The following SGIP1 variants were observed in gnomAD, a reference collection of about 807,000 sequenced individuals.
SGIP1 encodes SH3GL interacting endocytic adaptor 1.
In SGIP1, 38 loss-of-function variants were observed where a neutral mutation model predicts 107.5. That is an observed-to-expected ratio of 0.35 (90% confidence interval 0.27 to 0.46). The LOEUF is 0.46. Ranked by LOEUF, SGIP1 falls within the 20% of genes least tolerant of loss-of-function variation. SGIP1 has a pLI of 1.00. For synonymous variants in SGIP1, 365 were observed against 366.1 expected (o/e 1.00, Z 0.03); for missense variants, 929 against 1,019.5 (o/e 0.91, Z 1.21).
At chr1:66,739,235 C>A in intron 21 of SGIP1, 100 bp from the exon 22 acceptor site, 1 of 1,319,296 alleles carries the variant, frequency 7.6e-7, no homozygotes, top group Non-Finnish European at 1.0e-6. Flanking sequence ...CTCTCACTCA[C>A]GGTTGCTTGT....
chr1:66,750,005 C>CTTTA lies in SGIP1; in HGVS notation c.*6911_*6912insTTAT, dbSNP rs796767895. 7.2e-4 allele frequency among the ~76,000 whole-genome samples: 95 copies of CTTTA among 132,678 alleles called. No individual in the cohort carries two copies. Among genetic ancestry groups the CTTTA allele is most frequent in the African/African-American group, 2.5e-3 (88 of 35,116 alleles). 87.0% of individuals were successfully genotyped at this position (132,678 alleles called of 152,430 possible). A position where few individuals can be genotyped will look rare whatever the true frequency, so the allele number is the denominator to read the frequency against. On this transcript the variant is annotated 3_prime_UTR_variant, in exon 25 of 25. Transcript: ENST00000371037. ...CCTATCTAATTCATATTCTCTCTCTCTCTCTCTCTCTTTCTCTGTGTGTGT... is the reference window on the plus strand; with the variant it reads ...CCTATCTAATTCATATTCTCTCTCTCTTTATCTCTCTCTCTTTCTCTGTGTGTGT...
intron 1 of SGIP1, among the ~76,000 whole-genome samples, chr1:66,564,794 C>T (rs142334604): frequency 6.6e-6 from 1 of 151,994 alleles, no homozygotes; most frequent in African/African-American, 2.4e-5. Flanking sequence ...GTAGTTACTT[C>T]AGTCCCCTCC....
At chr1:66,582,593 T>G (rs1475630289) in intron 1 of SGIP1, among the ~76,000 whole-genome samples, 1 of 151,864 alleles carries the variant, frequency 6.6e-6, no homozygotes, top group Non-Finnish European at 1.5e-5. Context: ...CAGTTTCCAG[T>G]CAAAGATGTA....
chr1:66,572,273 A>C (rs2060484558), intron 1 of SGIP1, among the ~76,000 whole-genome samples: 1 of 152,056 alleles, frequency 6.6e-6, no homozygotes, highest in Non-Finnish European at 1.5e-5. Flanking sequence ...TCACAGTTCT[A>C]AACTCCCAGG....
chr1:66,749,550 G>A lies in SGIP1; in HGVS notation c.*6455G>A, dbSNP rs2094597678. ...TCTTTAAAAACTTCCTGGTTAAATT[G>A]TCTGTTATCATATAGAAAAGAATCA... On this transcript the variant is annotated 3_prime_UTR_variant, in exon 25 of 25. Transcript: ENST00000371037. Among the ~76,000 whole-genome samples, 1 of 149,798 alleles carries A rather than the reference G, an allele frequency of 6.7e-6. No homozygotes were observed. The highest frequency in any genetic ancestry group is 6.7e-5 in the Admixed American group (1 of 14,988).
chr1:66,672,557 C>T (rs977514991), intron 11 of SGIP1, among the ~76,000 whole-genome samples: 2 of 152,166 alleles, frequency 1.3e-5, no homozygotes, highest in African/African-American at 4.8e-5. Context: ...TCTCCCCTCT[C>T]CTCTTCACCC....
chr1:66,662,361 A>G (rs1329724434), intron 8 of SGIP1, among the ~76,000 whole-genome samples: 4 of 152,194 alleles, frequency 2.6e-5, no homozygotes, highest in Non-Finnish European at 5.9e-5. Context: ...ATGTCACAAA[A>G]CTTCAAAATC....
intron 1 of SGIP1, among the ~76,000 whole-genome samples, chr1:66,584,743 G>A (rs1466834511): frequency 6.6e-6 from 1 of 152,116 alleles, no homozygotes; most frequent in African/African-American, 2.4e-5. Context: ...GATAGTGGTA[G>A]GTATATGAAG....
rs374706937 is a variant in SGIP1, at chr1:66,552,842, TG to T, written c.10+18477del. 3.9e-5 allele frequency among the ~76,000 whole-genome samples: 6 copies of T among 152,276 alleles called. No homozygotes were observed. The South Asian group carries it at 1.2e-3, about 32-fold the overall frequency. Reference sequence around the variant, plus strand: ...ATTTACATCAGGAAATCCCATTATTTGGGTGAGAGAGAAAACGACTTCAACC... The same window carrying T: ...ATTTACATCAGGAAATCCCATTATTTGGTGAGAGAGAAAACGACTTCAACC... On this transcript the variant is annotated intron_variant, in intron 1 of 24. Coordinates refer to ENST00000371037, the MANE Select transcript of SGIP1 (RefSeq NM_032291.4).
intron 1 of SGIP1, among the ~76,000 whole-genome samples, chr1:66,599,180 C>T (rs2065279062): frequency 6.6e-6 from 1 of 152,130 alleles, no homozygotes; most frequent in Admixed American, 6.5e-5. Flanking sequence ...AACCTAACTA[C>T]TTAATGAATG....
intron 17 of SGIP1, chr1:66,694,598 C>T (rs2090507547): frequency 3.0e-6 from 3 of 986,854 alleles, no homozygotes; most frequent in Admixed American, 3.3e-5. Context: ...GACATGCCCT[C>T]ACCTCATGAG....
intron 12 of SGIP1, 130 bp downstream of exon 12, chr1:66,673,496 A>T (rs1295024146): frequency 1.2e-6 from 1 of 811,404 alleles, no homozygotes; most frequent in Non-Finnish European, 1.8e-6. Context: ...AAAAGTTTCA[A>T]TCTAGGTGTG....
At chr1:66,571,669 C>T (rs2060402539) in intron 1 of SGIP1, among the ~76,000 whole-genome samples, 1 of 152,032 alleles carries the variant, frequency 6.6e-6, no homozygotes, top group African/African-American at 2.4e-5. Flanking sequence ...TGCAAGTTCT[C>T]TGCTGGCTAC....
At chr1:66,709,498 T>C (rs2092764924) in intron 18 of SGIP1, among the ~76,000 whole-genome samples, 1 of 152,154 alleles carries the variant, frequency 6.6e-6, no homozygotes, top group Non-Finnish European at 1.5e-5. Context: ...CTATAATATG[T>C]AGTAATGCCT....
chr1:66,712,956 G>A lies in SGIP1; in HGVS notation c.1631-6338G>A, dbSNP rs548715725. Among the ~76,000 whole-genome samples the A allele has an allele frequency of 1.2e-4, 18 of 152,116 alleles. 1 individual carries two copies. Among genetic ancestry groups the A allele is most frequent in the African/African-American group, 3.4e-4 (14 of 41,504 alleles). On this transcript the variant is annotated intron_variant, in intron 18 of 24. Transcript: ENST00000371037. ...AGTACTCTGGAGATGCTTTTTTGTC[G>A]GAGGTCCACAGACTAATGGCAGCAA... is the stretch of plus-strand genomic sequence containing the variant.
intron 7 of SGIP1, among the ~76,000 whole-genome samples, chr1:66,649,467 G>A (rs2078296161): frequency 6.6e-6 from 1 of 152,140 alleles, no homozygotes; most frequent in African/African-American, 2.4e-5. Context: ...ACCTTACAGG[G>A]TGGTTGTTGC....
chr1:66,745,102 TG>T lies in SGIP1; in HGVS notation c.*2008del, dbSNP rs1572518210. The T allele has an allele frequency of 6.6e-6, 1 of 152,282 alleles. No homozygotes were observed. Among genetic ancestry groups the T allele is most frequent in the African/African-American group, 2.4e-5 (1 of 41,448 alleles). The allele number at this position is 152,282 out of a possible 1,614,324, so 9.4% of individuals were successfully genotyped here. On this transcript the variant is annotated 3_prime_UTR_variant, in exon 25 of 25. Transcript: ENST00000371037. ...TAAATATTACTGGTTCTCATGTCTT[TG>T]TATTTATATTTTATTTTGTTTTATT...
At position 66,741,273 on chromosome 1, in the gene SGIP1, G is replaced by A. The variant is rs373390505; in HGVS notation, c.2301G>A (p.Gly767=). 9.1e-5 allele frequency: 143 copies of A among 1,571,726 alleles called. No individual in the cohort carries two copies. Among genetic ancestry groups the A allele is most frequent in the Non-Finnish European group, 1.2e-4 (138 of 1,161,712 alleles). Residue 767 remains glycine (G), a splice_region_variant and synonymous_variant, in exon 24 of 25, where the codon GGG becomes GGA. Coordinates refer to ENST00000371037, the MANE Select transcript of SGIP1 (RefSeq NM_032291.4). ...PDISQKSENG[G]VGSLLARFQL... ...TTGTAATAATGTGTTTTTTTTTAGG[G>A]GTGGGTTCTTTGTTGGCAAGATTTC...
chr1:66,674,433 AT>A (rs1413055325), intron 12 of SGIP1, among the ~76,000 whole-genome samples: 2 of 152,208 alleles, frequency 1.3e-5, no homozygotes, highest in Non-Finnish European at 1.5e-5. Flanking sequence ...GAATGTTTTT[AT>A]AAAAAATTAT....
Sources: gnomAD v4.1 joint callset for allele counts (sites outside exome capture counted in the v4.1 genomes callset) on GRCh38, gnomAD v4.1.1 for gene constraint, MANE v1.5 for transcripts, NCBI Gene and HGNC (gene_info 2026-07-23, HGNC 2026-07-21) for gene names.